CSMD1: variants seen among roughly 807,000 people sequenced by gnomAD.
The protein encoded by CSMD1 is CUB and Sushi multiple domains 1.
Under a neutral mutation model 417.5 loss-of-function variants are expected in CSMD1, and 213 were observed. The observed-to-expected ratio is 0.51, with a 90% confidence interval of 0.46 to 0.57. CSMD1 has a LOEUF of 0.57. CSMD1 is among the 20% of genes least tolerant of loss of function. The pLI, the probability that CSMD1 is intolerant of heterozygous loss-of-function variation, is 0.00. For missense variants in CSMD1, 6,923 were observed against 4,529.7 expected (o/e 1.53, Z -15.17); for synonymous variants, 2,862 against 1,736.8 (o/e 1.65, Z -16.11).
chr8:4,579,251 A>G (rs546574599), intron 2 of CSMD1, among the ~76,000 whole-genome samples: 42 of 149,136 alleles, frequency 2.8e-4, no homozygotes, highest in Middle Eastern at 7.0e-3. Flanking sequence ...AAGTTTAAAC[A>G]TACATACATA....
chr8:4,544,874 G>A (rs1442450268), intron 2 of CSMD1, among the ~76,000 whole-genome samples: 1 of 152,164 alleles, frequency 6.6e-6, no homozygotes. Flanking sequence ...TAAGCAGCAA[G>A]GAATCTTCTC....
intron 5 of CSMD1, among the ~76,000 whole-genome samples, chr8:3,847,414 G>C (rs1424993299): frequency 6.6e-6 from 1 of 152,104 alleles, no homozygotes; most frequent in African/African-American, 2.4e-5. Context: ...TGTGGGGAGG[G>C]ACAGTTGGCT....
At chr8:3,516,684 T>C (rs1408577023) in intron 10 of CSMD1, among the ~76,000 whole-genome samples, 2 of 152,186 alleles carry the variant, frequency 1.3e-5, no homozygotes, top group Admixed American at 6.6e-5. Context: ...AGGTGGTATT[T>C]GGTTACATGA....
At chr8:4,809,258 A>C (rs1439220508) in intron 1 of CSMD1, among the ~76,000 whole-genome samples, 1 of 152,218 alleles carries the variant, frequency 6.6e-6, no homozygotes, top group Non-Finnish European at 1.5e-5. Context: ...AAATACTTCT[A>C]ATGAAGGGCA....
chr8:4,366,797 T>A (rs575707759), intron 3 of CSMD1, among the ~76,000 whole-genome samples: 2 of 152,154 alleles, frequency 1.3e-5, no homozygotes, highest in African/African-American at 2.4e-5. Context: ...CATGCTGCTG[T>A]GCTGCACCCA....
At position 4,527,266 on chromosome 8, in the gene CSMD1, G is replaced by A. The variant is rs1199054936; in HGVS notation, c.303-107201C>T. ...AACATTAGCATTAGGAGTCTTTTTT[G>A]TAGCATTTATATGATCAGGAATGAG... On this transcript the variant is annotated intron_variant, in intron 2 of 69. Coordinates refer to ENST00000635120, the MANE Select transcript of CSMD1 (RefSeq NM_033225.6). Among the ~76,000 whole-genome samples the A allele has an allele frequency of 3.3e-5, 5 of 152,098 alleles. No individual in the cohort carries two copies. The East Asian group carries it at 9.7e-4, about 29-fold the overall frequency.
chr8:4,609,497 AACTC>A (rs1340653105), intron 2 of CSMD1, among the ~76,000 whole-genome samples: 1 of 152,232 alleles, frequency 6.6e-6, no homozygotes, highest in Non-Finnish European at 1.5e-5. Flanking sequence ...TGAATTCAAT[AACTC>A]ACTAATTAGC....
At chr8:3,885,866 T>C (rs1405909693) in intron 5 of CSMD1, among the ~76,000 whole-genome samples, 2 of 152,168 alleles carry the variant, frequency 1.3e-5, no homozygotes, top group Non-Finnish European at 2.9e-5. Context: ...AACAATTTGC[T>C]CTTTTGCTAA....
intron 5 of CSMD1, among the ~76,000 whole-genome samples, chr8:3,874,142 G>C (rs773914733): frequency 1.3e-5 from 2 of 152,102 alleles, no homozygotes; most frequent in African/African-American, 2.4e-5. Flanking sequence ...CCTTCCCCTG[G>C]GGATGCAATC....
At chr8:3,129,023 C>T (rs934070649) in intron 41 of CSMD1, 1 of 338,234 alleles carries the variant, frequency 3.0e-6, no homozygotes, top group South Asian at 2.4e-5. Context: ...GCTTAGCCAA[C>T]CAGATGCTTG....
intron 1 of CSMD1, among the ~76,000 whole-genome samples, chr8:4,905,616 G>T (rs553905782): frequency 1.3e-5 from 2 of 151,542 alleles, no homozygotes; most frequent in South Asian, 2.1e-4. Flanking sequence ...TCATGAGATC[G>T]AGGCCATCCT....
intron 1 of CSMD1, among the ~76,000 whole-genome samples, chr8:4,891,358 G>C (rs919175992): frequency 6.6e-6 from 1 of 152,142 alleles, no homozygotes; most frequent in African/African-American, 2.4e-5. Context: ...GTGAATTAGA[G>C]AGCATTTTAT....
rs191620757 is a variant in CSMD1 at position 3,868,321 on chromosome 8, G to A, written c.819-114279C>T. Among the ~76,000 whole-genome samples the A allele has an allele frequency of 2.6e-4, 39 of 152,076 alleles. No homozygotes were observed. In the East Asian group the frequency reaches 5.2e-3, roughly 20 times the overall value. ...TGCAGGAGAGATTTCATTTTCACCC[G>A]GAGACATTTATTTTTTGCCTTCCTT... On this transcript the variant is annotated intron_variant, in intron 5 of 69. Coordinates refer to ENST00000635120, the MANE Select transcript of CSMD1 (RefSeq NM_033225.6).
intron 7 of CSMD1, among the ~76,000 whole-genome samples, chr8:3,639,373 G>C (rs956776157): frequency 3.9e-5 from 6 of 152,202 alleles, no homozygotes; most frequent in Admixed American, 1.3e-4. Context: ...GAATGAAAGT[G>C]AATGAGTGAG....
intron 7 of CSMD1, among the ~76,000 whole-genome samples, chr8:3,643,290 A>C (rs1797397007): frequency 6.6e-6 from 1 of 152,142 alleles, no homozygotes. Flanking sequence ...AACTGGATGG[A>C]AAGGAGGGAC....
intron 1 of CSMD1, among the ~76,000 whole-genome samples, chr8:4,805,328 T>C (rs775625657): frequency 1.3e-5 from 2 of 152,166 alleles, no homozygotes; most frequent in South Asian, 2.1e-4. Flanking sequence ...CACTTCAATA[T>C]CCTCTGAAAA....
chr8:4,962,513 A>G (rs1809574075), intron 1 of CSMD1, among the ~76,000 whole-genome samples: 1 of 152,120 alleles, frequency 6.6e-6, no homozygotes, highest in African/African-American at 2.4e-5. Flanking sequence ...GCCCAGCCTA[A>G]ATTCTGTTTT....
intron 6 of CSMD1, among the ~76,000 whole-genome samples, chr8:3,745,188 T>C (rs951742944): frequency 1.6e-4 from 24 of 152,210 alleles, no homozygotes; most frequent in African/African-American, 5.8e-4. Flanking sequence ...ACTCTATCAT[T>C]TCTCTGTTAT....
At chr8:3,501,506 A>C (rs1796599472) in intron 10 of CSMD1, among the ~76,000 whole-genome samples, 1 of 152,212 alleles carries the variant, frequency 6.6e-6, no homozygotes, top group African/African-American at 2.4e-5. Flanking sequence ...CCAAGACCCT[A>C]CATCTTGGAA....
Sources: allele counts gnomAD v4.1 joint callset (sites outside exome capture counted in the v4.1 genomes callset), GRCh38; gene constraint gnomAD v4.1.1; transcripts MANE v1.5; gene names NCBI Gene and HGNC (gene_info 2026-07-23, HGNC 2026-07-21).